The following LARGE1 variants were observed in gnomAD, a reference collection of about 807,000 sequenced individuals.
LARGE1 encodes the protein xylosyl- and glucuronyltransferase LARGE1.
Under a neutral mutation model 87.6 loss-of-function variants are expected in LARGE1, and 43 were observed. That is an observed-to-expected ratio of 0.49 (90% CI 0.38 to 0.63). The LOEUF (loss-of-function observed/expected upper bound fraction) is 0.63. Among genes scored for constraint, LARGE1 ranks in the 30% least tolerant of loss-of-function variants. The probability of loss-of-function intolerance (pLI) is 0.00; values close to 1 mark genes in which losing one functional copy is unlikely to be tolerated. For missense variants in LARGE1, 802 were observed against 1,000.2 expected, an observed-to-expected ratio of 0.80 and a Z score of 2.67; for synonymous variants, 434 against 394.6, an observed-to-expected ratio of 1.10 and a Z score of -1.18.
At chr22:33,912,353 T>C (rs1412517841) in intron 1 of LARGE1, among the ~76,000 whole-genome samples, 1 of 152,178 alleles carries the variant, frequency 6.6e-6, no homozygotes, top group Non-Finnish European at 1.5e-5. Flanking sequence ...GATTCCCTTC[T>C]GAATTTAAAA....
chr22:33,719,134 G>A (rs74537173), intron 2 of LARGE1, among the ~76,000 whole-genome samples: 3,851 of 152,236 alleles, frequency 0.025, 180 homozygotes, highest in African/African-American at 0.088. Flanking sequence ...AAAATTAAAA[G>A]ATTTAAAAAC....
intron 1 of LARGE1, among the ~76,000 whole-genome samples, chr22:33,762,251 A>AGAG (rs2084761307): frequency 6.7e-6 from 1 of 149,322 alleles, no homozygotes; most frequent in South Asian, 2.1e-4. Flanking sequence ...AGACTAGACC[A>AGAG]GAGGATGGAT....
In LARGE1 at chr22:33,676,372, C is replaced by CAAAAAAAAAAAAAAAAAAAAAAAAAAAA. The variant is rs10567981; in HGVS notation, c.107-25732_107-25705dup. 1.8e-4 allele frequency among the ~76,000 whole-genome samples: 3 copies of CAAAAAAAAAAAAAAAAAAAAAAAAAAAA among 16,304 alleles called. 1 individual carries two copies. Among genetic ancestry groups the CAAAAAAAAAAAAAAAAAAAAAAAAAAAA allele is most frequent in the Non-Finnish European group, 4.2e-4 (3 of 7,192 alleles). 10.7% of individuals were successfully genotyped at this position (16,304 alleles called of 152,430 possible). ...ACATCATATGTTACAGATTCAATGGCAAAAAAAAAAAAAAAAAAAAAAAAA... is the reference window on the plus strand; with the variant it reads ...ACATCATATGTTACAGATTCAATGGCAAAAAAAAAAAAAAAAAAAAAAAAAAAAAAAAAAAAAAAAAAAAAAAAAAAAA... On this transcript the variant is annotated intron_variant, in intron 2 of 14. Coordinates refer to ENST00000397394, the MANE Select transcript of LARGE1 (RefSeq NM_133642.5).
chr22:33,698,691 C>T (rs1320303721), intron 2 of LARGE1, among the ~76,000 whole-genome samples: 1 of 152,212 alleles, frequency 6.6e-6, no homozygotes, highest in East Asian at 1.9e-4. Context: ...TGAACCTTTA[C>T]TGAACGTCCA....
At chr22:33,851,343 T>C (rs998045709) in intron 1 of LARGE1, among the ~76,000 whole-genome samples, 14 of 152,262 alleles carry the variant, frequency 9.2e-5, no homozygotes, top group African/African-American at 3.1e-4. Context: ...CCCAGCCTTC[T>C]AGGCTTTCTC....
At chr22:33,546,274 G>C (rs1002384815) in intron 6 of LARGE1, among the ~76,000 whole-genome samples, 1 of 152,172 alleles carries the variant, frequency 6.6e-6, no homozygotes, top group Non-Finnish European at 1.5e-5. Context: ...AACTGACATA[G>C]GGAACACACC....
chr22:33,299,936 G>A (rs1008362640), intron 12 of LARGE1, among the ~76,000 whole-genome samples: 6 of 152,212 alleles, frequency 3.9e-5, no homozygotes, highest in South Asian at 2.1e-4. Flanking sequence ...TTGTCCATGC[G>A]TACAGCTTAT....
At chr22:33,618,154 G>A (rs1228339933) in intron 4 of LARGE1, among the ~76,000 whole-genome samples, 2 of 152,180 alleles carry the variant, frequency 1.3e-5, no homozygotes, top group African/African-American at 2.4e-5. Context: ...GAAAATCACC[G>A]CAGCCAGAAT....
At chr22:33,192,590 T>A (rs1039020619) in intron 11 of LARGE1, among the ~76,000 whole-genome samples, 1 of 152,224 alleles carries the variant, frequency 6.6e-6, no homozygotes, top group Non-Finnish European at 1.5e-5. Flanking sequence ...GATGTACAGT[T>A]AACAAATATT....
intron 6 of LARGE1, among the ~76,000 whole-genome samples, chr22:33,496,816 CTT>C (rs907660834): frequency 1.3e-5 from 2 of 152,178 alleles, no homozygotes; most frequent in African/African-American, 4.8e-5. Context: ...TAATTTTTCT[CTT>C]TGTGATGCAC....
At chr22:33,247,044 AGTATGT>A (rs995963832) in intron 11 of LARGE1, among the ~76,000 whole-genome samples, 30 of 82,912 alleles carry the variant, frequency 3.6e-4, no homozygotes, top group Middle Eastern at 0.011. Context: ...AACTGCAGCC[AGTATGT>A]GTGTGTGTGT....
intron 2 of LARGE1, among the ~76,000 whole-genome samples, chr22:33,702,552 C>T (rs1309241326): frequency 7.2e-5 from 11 of 152,156 alleles, no homozygotes; most frequent in African/African-American, 1.9e-4. Context: ...CAGGAAAACA[C>T]GGGACCTTGA....
intron 1 of LARGE1, among the ~76,000 whole-genome samples, chr22:33,827,717 G>A (rs561566450): frequency 6.1e-5 from 9 of 147,936 alleles, no homozygotes; most frequent in South Asian, 4.4e-4. Flanking sequence ...AAGTGGGCCC[G>A]TCACGGAGAC....
chr22:33,351,990 G>A (rs963062467), intron 9 of LARGE1, among the ~76,000 whole-genome samples: 1 of 152,124 alleles, frequency 6.6e-6, no homozygotes, highest in Non-Finnish European at 1.5e-5. Context: ...ACCCGCCTCA[G>A]CCTCCCAAAG....
intron 1 of LARGE1, among the ~76,000 whole-genome samples, chr22:33,879,743 T>C (rs573585610): frequency 2.6e-5 from 4 of 152,322 alleles, no homozygotes; most frequent in East Asian, 1.9e-4. Flanking sequence ...CTCGCCATAG[T>C]GTATTAGAAT....
At chr22:33,816,733 C>CAGACAGAT (rs763136582) in intron 1 of LARGE1, among the ~76,000 whole-genome samples, 5,107 of 150,012 alleles carry the variant, frequency 0.034, 111 homozygotes, top group South Asian at 0.077. Flanking sequence ...GACAGACAGA[C>CAGACAGAT]AGATACAGAA....
intron 4 of LARGE1, among the ~76,000 whole-genome samples, chr22:33,606,986 A>T (rs1028019985): frequency 6.6e-6 from 1 of 152,176 alleles, no homozygotes; most frequent in Non-Finnish European, 1.5e-5. Flanking sequence ...TGAGCTCAGC[A>T]AGCTCAAGGA....
At chr22:33,809,208 G>A (rs1464062220) in intron 1 of LARGE1, among the ~76,000 whole-genome samples, 1 of 151,750 alleles carries the variant, frequency 6.6e-6, no homozygotes, top group African/African-American at 2.4e-5. Flanking sequence ...GGAGGCAGAG[G>A]CTGCGGTGAG....
the LARGE1 span, among the ~76,000 whole-genome samples, chr22:33,140,855 A>G: frequency 1.3e-5 from 2 of 152,198 alleles, no homozygotes; most frequent in African/African-American, 4.8e-5. Flanking sequence ...GTATGAGTCA[A>G]TATTCCTTAA....
Sources: allele counts gnomAD v4.1 joint callset (sites outside exome capture counted in the v4.1 genomes callset), GRCh38; gene constraint gnomAD v4.1.1; transcripts MANE v1.5; gene names NCBI Gene and HGNC (gene_info 2026-07-23, HGNC 2026-07-21).